Variants in CSMD1 observed in about 807,000 individuals in gnomAD.
CSMD1 encodes the protein CUB and Sushi multiple domains 1, also known as CUB and sushi domain-containing protein 1.
Under a neutral mutation model 417.5 loss-of-function variants are expected in CSMD1, and 213 were observed. The observed-to-expected ratio is 0.51, with a 90% CI of 0.46 to 0.57. The LOEUF is 0.57. Among genes scored for constraint, CSMD1 ranks in the 20% least tolerant of loss-of-function variants. The pLI, the probability that CSMD1 is intolerant of heterozygous loss-of-function variation, is 0.00. For missense variants in CSMD1, 6,923 were observed against 4,529.7 expected, an observed-to-expected ratio of 1.53 and a Z score of -15.17; for synonymous variants, 2,862 against 1,736.8, an observed-to-expected ratio of 1.65 and a Z score of -16.11.
intron 3 of CSMD1, among the ~76,000 whole-genome samples, chr8:4,320,564 T>A (rs908965069): frequency 6.6e-6 from 1 of 151,974 alleles, no homozygotes; most frequent in African/African-American, 2.4e-5. Flanking sequence ...TGTGTCCATG[T>A]GTTCTCTTTG....
intron 52 of CSMD1, 97 bp downstream of exon 52, chr8:3,018,380 A>T: frequency 9.0e-7 from 1 of 1,116,132 alleles, no homozygotes; most frequent in South Asian, 1.7e-5. Context: ...GGTAGGATTT[A>T]AGGCATTATA....
chr8:4,701,086 G>C (rs763943170), intron 1 of CSMD1, among the ~76,000 whole-genome samples: 5 of 152,074 alleles, frequency 3.3e-5, no homozygotes, highest in Admixed American at 6.5e-5. Context: ...TTGAAATTAA[G>C]GGTAGAGTTA....
chr8:4,614,540 A>G (rs1034519908), intron 2 of CSMD1, among the ~76,000 whole-genome samples: 4 of 152,192 alleles, frequency 2.6e-5, no homozygotes, highest in African/African-American at 7.2e-5. Flanking sequence ...ACATAGCACA[A>G]GCGGAAGTAT....
intron 3 of CSMD1, among the ~76,000 whole-genome samples, chr8:4,268,360 C>G (rs1444447576): frequency 2.0e-5 from 3 of 152,102 alleles, no homozygotes; most frequent in African/African-American, 7.2e-5. Context: ...ATGTTTTCCT[C>G]TTGGATCAAT....
At chr8:3,693,631 A>C (rs1233010402) in intron 7 of CSMD1, among the ~76,000 whole-genome samples, 1 of 152,254 alleles carries the variant, frequency 6.6e-6, no homozygotes, top group Admixed American at 6.5e-5. Flanking sequence ...AAACAAAATA[A>C]ATAAATGTGT....
chr8:3,538,300 G>A (rs1016211845), intron 10 of CSMD1, among the ~76,000 whole-genome samples: 1 of 152,200 alleles, frequency 6.6e-6, no homozygotes, highest in African/African-American at 2.4e-5. Context: ...TGCTTCACCT[G>A]AGATGGTACA....
chr8:3,180,333 C>T (rs1195867938), intron 37 of CSMD1, among the ~76,000 whole-genome samples: 1 of 152,150 alleles, frequency 6.6e-6, no homozygotes, highest in African/African-American at 2.4e-5. Context: ...AAATGAATAA[C>T]ACACAAATGC....
At chr8:3,293,385 T>TG (rs1554502841) in intron 25 of CSMD1, among the ~76,000 whole-genome samples, 1 of 152,184 alleles carries the variant, frequency 6.6e-6, no homozygotes, top group Non-Finnish European at 1.5e-5. Context: ...CTTGCTAGAT[T>TG]GGGGAATTTC....
At chr8:3,781,781 A>C (rs1799200919) in intron 5 of CSMD1, among the ~76,000 whole-genome samples, 2 of 152,174 alleles carry the variant, frequency 1.3e-5, no homozygotes, top group Non-Finnish European at 2.9e-5. Flanking sequence ...AGAAATGCTG[A>C]ATAAATGTTT....
At chr8:4,312,180 C>T (rs1383937533) in intron 3 of CSMD1, among the ~76,000 whole-genome samples, 2 of 151,708 alleles carry the variant, frequency 1.3e-5, no homozygotes, top group African/African-American at 2.4e-5. Flanking sequence ...AGTCAGAAGA[C>T]ACAATGAACA....
intron 1 of CSMD1, among the ~76,000 whole-genome samples, chr8:4,956,503 TATC>T (rs1483249712): frequency 3.4e-5 from 5 of 148,934 alleles, no homozygotes; most frequent in South Asian, 2.1e-4. Flanking sequence ...AAATATATGT[TATC>T]ATATACACAC....
chr8:4,645,389 G>A (rs1038059), intron 1 of CSMD1, among the ~76,000 whole-genome samples: 92,835 of 143,484 alleles, frequency 0.65, 30,228 homozygotes, highest in South Asian at 0.73. Flanking sequence ...AAGTCATTCA[G>A]TGTGTACCCA....
chr8:4,352,631 A>C (rs1408970891), intron 3 of CSMD1, among the ~76,000 whole-genome samples: 2 of 152,210 alleles, frequency 1.3e-5, no homozygotes, highest in African/African-American at 4.8e-5. Context: ...AGTGACACCG[A>C]GGAGCTTAAC....
rs537279219 is a variant in CSMD1 at position 4,937,782 on chromosome 8, G to A, written c.85+56550C>T. Among the ~76,000 whole-genome samples, 226 of 144,478 alleles carry A rather than the reference G, an allele frequency of 1.6e-3. 3 individuals are homozygous for A. In the South Asian group the frequency reaches 0.023, roughly 14 times the overall value. The allele number at this position is 144,478 out of a possible 152,430, so 94.8% of individuals were successfully genotyped here. On this transcript the variant is annotated intron_variant, in intron 1 of 69. Coordinates refer to ENST00000635120, the MANE Select transcript of CSMD1 (RefSeq NM_033225.6). ...AGAGAAGTTTCTCACACAGTGGCGC[G>A]TGCACACACACACACACACACACAA...
intron 10 of CSMD1, among the ~76,000 whole-genome samples, chr8:3,497,042 C>A (rs988721036): frequency 6.6e-6 from 1 of 152,028 alleles, no homozygotes; most frequent in Non-Finnish European, 1.5e-5. Context: ...TTTGTTGACC[C>A]TTGTTTTGTG....
At chr8:4,936,314 A>G (rs944839236) in intron 1 of CSMD1, among the ~76,000 whole-genome samples, 2 of 152,242 alleles carry the variant, frequency 1.3e-5, no homozygotes, top group Non-Finnish European at 2.9e-5. Flanking sequence ...GATTGTGAAT[A>G]AACAAACAGG....
intron 49 of CSMD1, among the ~76,000 whole-genome samples, chr8:3,056,705 A>C (rs1812252481): frequency 6.7e-6 from 1 of 148,214 alleles, no homozygotes; most frequent in Non-Finnish European, 1.5e-5. Flanking sequence ...AAGTATTTCC[A>C]ATGTAAGAAT....
intron 12 of CSMD1, among the ~76,000 whole-genome samples, chr8:3,417,440 G>A (rs143223005): frequency 6.6e-6 from 1 of 152,102 alleles, no homozygotes; most frequent in Non-Finnish European, 1.5e-5. Flanking sequence ...ATGCTTATTC[G>A]TATGAAAGCA....
chr8:4,469,570 G>C (rs953863225), intron 2 of CSMD1, among the ~76,000 whole-genome samples: 1 of 152,092 alleles, frequency 6.6e-6, no homozygotes, highest in African/African-American at 2.4e-5. Context: ...TCTTTCAGTA[G>C]CTTGTGCAAA....
Sources: gnomAD v4.1 joint callset for allele counts (sites outside exome capture counted in the v4.1 genomes callset) on GRCh38, gnomAD v4.1.1 for gene constraint, MANE v1.5 for transcripts, NCBI Gene and HGNC (gene_info 2026-07-23, HGNC 2026-07-21) for gene names.